The following SMLR1 variants were observed in gnomAD, a reference collection of about 807,000 sequenced individuals.
SMLR1 encodes the protein small leucine-rich protein 1.
A neutral mutation model predicts 6.1 loss-of-function variants in SMLR1; 3 were observed. That is an observed-to-expected ratio of 0.49 (90% CI 0.22 to 1.28). The LOEUF (loss-of-function observed/expected upper bound fraction) is 1.28, where lower values mean the gene tolerates loss of function less well. SMLR1 is among the 50% of genes most tolerant of loss of function. The probability of loss-of-function intolerance (pLI) is 0.19; values close to 1 mark genes in which losing one functional copy is unlikely to be tolerated. For synonymous variants in SMLR1, 55 were observed against 53.6 expected (o/e 1.03, Z -0.11); for missense variants, 126 against 124.8 (o/e 1.01, Z -0.05).
In SMLR1 at chr6:130,835,024, C is replaced by A; in HGVS notation, c.*69C>A. The A allele has an allele frequency of 8.3e-7, 1 of 1,208,010 alleles. No individual in the cohort carries two copies. The highest frequency in any genetic ancestry group is 1.2e-6 in the Non-Finnish European group (1 of 849,018). The allele number at this position is 1,208,010 out of a possible 1,614,324, so 74.8% of individuals were successfully genotyped here. On this transcript the variant is annotated 3_prime_UTR_variant, in exon 2 of 2. Coordinates refer to ENST00000541421, the MANE Select transcript of SMLR1 (RefSeq NM_001195597.2). ...GGTCAGCAAGCAATGGCCAACAGTT[C>A]AGCTAATAAAGTAGGTTGATAAACT... is the stretch of plus-strand genomic sequence containing the variant.
intron 1 of SMLR1, among the ~76,000 whole-genome samples, chr6:130,830,336 C>T (rs1189957901): frequency 6.6e-6 from 1 of 152,010 alleles, no homozygotes; most frequent in Admixed American, 6.6e-5. Flanking sequence ...CTTGGGCTTG[C>T]TCTAATTGAA....
chr6:130,834,313 C>G (rs1405374743), intron 1 of SMLR1, among the ~76,000 whole-genome samples: 1 of 151,986 alleles, frequency 6.6e-6, no homozygotes, highest in African/African-American at 2.4e-5. Flanking sequence ...AGGAAGAAAA[C>G]TAGGGATTGG....
intron 1 of SMLR1, among the ~76,000 whole-genome samples, chr6:130,832,075 G>C (rs1392363293): frequency 3.9e-5 from 6 of 152,058 alleles, no homozygotes; most frequent in Non-Finnish European, 7.4e-5. Context: ...ACTTCCCATA[G>C]CCAATCCCTG....
In SMLR1 at chr6:130,836,974, C is replaced by G. The variant is rs998702245; in HGVS notation, c.*2019C>G. ...TTCAGCTGCATCCTATGCTCCAAGG[C>G]CTTTCACCAGGGGCCAGAAATGCTC... On this transcript the variant is annotated 3_prime_UTR_variant, in exon 2 of 2. Transcript: ENST00000541421. The G allele has an allele frequency of 6.6e-6, 1 of 152,286 alleles. No homozygotes were observed. The highest frequency in any genetic ancestry group is 6.5e-5 in the Admixed American group (1 of 15,288). The allele number at this position is 152,286 out of a possible 1,614,324, so 9.4% of individuals were successfully genotyped here.
intron 1 of SMLR1, among the ~76,000 whole-genome samples, chr6:130,832,082 C>A (rs569223207): frequency 1.3e-5 from 2 of 152,056 alleles, no homozygotes; most frequent in Admixed American, 1.3e-4. Flanking sequence ...ATAGCCAATC[C>A]CTGCATCAGC....
chr6:130,827,496 T>G lies in SMLR1; in HGVS notation c.83T>G (p.Met28Arg). 2.0e-6 allele frequency: 3 copies of G among 1,535,986 alleles called. No homozygotes were observed. Among genetic ancestry groups the G allele is most frequent in the Non-Finnish European group, 2.6e-6 (3 of 1,146,858 alleles). Residue 28 changes from methionine (M) to arginine (R), a missense_variant, in exon 1 of 2, where the codon ATG becomes AGG. Transcript: ENST00000541421. ...KAALVLSVTP[M>R]VPVGSVWLAM... ...GCCCTGGTCCTGAGTGTGACTCCCA[T>G]GGTCCCCGTGGGGTCTGTGTGGTTG...
chr6:130,834,194 T>C (rs1003122247), intron 1 of SMLR1, among the ~76,000 whole-genome samples: 9 of 151,954 alleles, frequency 5.9e-5, no homozygotes, highest in South Asian at 2.1e-4. Flanking sequence ...AGAGACATAA[T>C]AGTTGAAGCT....
intron 1 of SMLR1, among the ~76,000 whole-genome samples, chr6:130,829,361 G>T (rs867881062): frequency 2.0e-5 from 3 of 152,122 alleles, no homozygotes; most frequent in African/African-American, 4.8e-5. Context: ...ACATGTAAAT[G>T]GGTCTATGGT....
At chr6:130,833,094 A>C (rs906185959) in intron 1 of SMLR1, among the ~76,000 whole-genome samples, 2 of 152,180 alleles carry the variant, frequency 1.3e-5, no homozygotes, top group Non-Finnish European at 2.9e-5. Flanking sequence ...CTGCCTATCG[A>C]ATCTCTCTGC....
At chr6:130,832,601 T>C (rs1337889292) in intron 1 of SMLR1, among the ~76,000 whole-genome samples, 1 of 152,252 alleles carries the variant, frequency 6.6e-6, no homozygotes, top group Non-Finnish European at 1.5e-5. Flanking sequence ...GTCATTATTA[T>C]CCTGCTAGCT....
chr6:130,827,445 A>G lies in SMLR1; in HGVS notation c.32A>G (p.Lys11Arg). Residue 11 changes from lysine (K) to arginine (R), a missense_variant, in exon 1 of 2, where the codon AAA (lysine) becomes AGA (arginine). By Grantham distance (26) the Lys-to-Arg change is conservative. Coordinates refer to ENST00000541421, the MANE Select transcript of SMLR1 (RefSeq NM_001195597.2). ...AGCAAAGGCCGGAGCCCCAGAAGAA[A>G]ACAAGTACAGACTCAGAGGAAAGCT... MLSKGRSPRR[K>R]QVQTQRKAAL... 6.5e-7 allele frequency: 1 copy of G among 1,535,998 alleles called. No homozygotes were observed.
At chr6:130,834,086 G>A (rs1774559931) in intron 1 of SMLR1, among the ~76,000 whole-genome samples, 1 of 152,162 alleles carries the variant, frequency 6.6e-6, no homozygotes, top group Non-Finnish European at 1.5e-5. Context: ...GTTTCAGGAA[G>A]AGAGCTGTGT....
At position 130,836,825 on chromosome 6, in the gene SMLR1, A is replaced by C. The variant is rs1486692599; in HGVS notation, c.*1870A>C. 2.0e-5 allele frequency: 3 copies of C among 152,114 alleles called. No individual in the cohort carries two copies. Among genetic ancestry groups the C allele is most frequent in the Non-Finnish European group, 4.4e-5 (3 of 68,036 alleles). 9.4% of individuals were successfully genotyped at this position (152,114 alleles called of 1,614,324 possible). ...AGCAGCTGCACAGTCAGGCCTTTGC[A>C]CTTCTCATTCTCATAGGTCCAGTTT... On this transcript the variant is annotated 3_prime_UTR_variant, in exon 2 of 2. Coordinates refer to ENST00000541421, the MANE Select transcript of SMLR1 (RefSeq NM_001195597.2).
At chr6:130,834,820 C>T (rs763944199) in intron 1 of SMLR1, 50 bp from the exon 2 acceptor site, 10 of 1,453,190 alleles carry the variant, frequency 6.9e-6, no homozygotes, top group Non-Finnish European at 9.3e-6. Context: ...TCTAAATGAC[C>T]AATGGCACTC....
At chr6:130,833,361 T>C (rs1046550235) in intron 1 of SMLR1, among the ~76,000 whole-genome samples, 4 of 152,178 alleles carry the variant, frequency 2.6e-5, no homozygotes, top group African/African-American at 9.7e-5. Flanking sequence ...CTACAATCTG[T>C]ATCCTGGTCC....
chr6:130,828,208 C>G (rs1774338174), intron 1 of SMLR1, among the ~76,000 whole-genome samples: 1 of 152,100 alleles, frequency 6.6e-6, no homozygotes, highest in South Asian at 2.1e-4. Flanking sequence ...GGATTATAGT[C>G]TTAAGGTGGA....
chr6:130,828,804 T>C (rs1562255127), intron 1 of SMLR1, among the ~76,000 whole-genome samples: 1 of 152,208 alleles, frequency 6.6e-6, no homozygotes. Flanking sequence ...ATTCATGTGA[T>C]AAATCCTTTT....
At chr6:130,830,940 C>G (rs998922141) in intron 1 of SMLR1, among the ~76,000 whole-genome samples, 1 of 152,190 alleles carries the variant, frequency 6.6e-6, no homozygotes. Flanking sequence ...AAATGGGCAA[C>G]CAGCAGCCCT....
chr6:130,827,582 G>C lies in SMLR1; in HGVS notation c.169G>C (p.Gly57Arg), dbSNP rs972110704. Residue 57 changes from glycine to arginine, a missense_variant, in exon 1 of 2, where the codon GGG becomes CGG. Coordinates refer to ENST00000541421, the MANE Select transcript of SMLR1 (RefSeq NM_001195597.2). ...GCTCCCTGGCTGGTTCCTGTTCTTT[G>C]GGGTCTTCCTCCCCGTGACTTTGCT... The part of the protein sequence containing the change: ...RELPGWFLFF[G>R]VFLPVTLLLL... 4 of 1,535,866 alleles carry C rather than the reference G, an allele frequency of 2.6e-6. No individual in the cohort carries two copies. The East Asian group carries it at 9.8e-5, about 38-fold the overall frequency.
Sources: allele counts gnomAD v4.1 joint callset (sites outside exome capture counted in the v4.1 genomes callset), GRCh38; gene constraint gnomAD v4.1.1; transcripts MANE v1.5; gene names NCBI Gene and HGNC (gene_info 2026-07-23, HGNC 2026-07-21).